IQSEC1: variants seen among roughly 807,000 people sequenced by gnomAD.
IQSEC1 encodes IQ motif and Sec7 domain ArfGEF 1.
A neutral mutation model predicts 91.0 loss-of-function variants in IQSEC1; 31 were observed. The observed-to-expected ratio is 0.34, with a 90% CI of 0.26 to 0.46. IQSEC1 has a LOEUF of 0.46. Among genes scored for constraint, IQSEC1 ranks in the 20% least tolerant of loss-of-function variants. IQSEC1 has a pLI of 1.00. For missense variants in IQSEC1, 1,388 were observed against 1,575.6 expected (o/e 0.88, Z 2.02); for synonymous variants, 699 against 662.6 (o/e 1.05, Z -0.84).
intron 2 of IQSEC1, among the ~76,000 whole-genome samples, chr3:13,104,778 T>G (rs373390821): frequency 3.3e-5 from 5 of 152,306 alleles, no homozygotes. Flanking sequence ...AGGTCCTGCC[T>G]GGCCCCTGAC....
chr3:13,071,693 GCGAACCAGAGGCCACCGTCATCCCT>G (rs1448919374), intron 1 of IQSEC1, among the ~76,000 whole-genome samples: 13 of 152,198 alleles, frequency 8.5e-5, no homozygotes, highest in East Asian at 1.9e-4. Context: ...GAGCATCACA[GCGAACCAGAGGCCACCGTCATCCCT>G]CGAACCAGAG....
chr3:12,939,164 C>A (rs536021993), intron 2 of IQSEC1, among the ~76,000 whole-genome samples: 1 of 152,122 alleles, frequency 6.6e-6, no homozygotes, highest in African/African-American at 2.4e-5. Flanking sequence ...AGACACTCAG[C>A]GGAGGGAAGA....
At chr3:12,952,274 C>A (rs952848715) in intron 1 of IQSEC1, among the ~76,000 whole-genome samples, 4 of 152,174 alleles carry the variant, frequency 2.6e-5, no homozygotes, top group Non-Finnish European at 5.9e-5. Flanking sequence ...CCAAACTGAG[C>A]TTCCTACACC....
At chr3:13,038,837 T>C (rs1200546292) in intron 1 of IQSEC1, among the ~76,000 whole-genome samples, 2 of 152,184 alleles carry the variant, frequency 1.3e-5, no homozygotes, top group African/African-American at 2.4e-5. Context: ...GTATTTCACA[T>C]TGCGTGCCTG....
chr3:13,153,789 A>G (rs1221508721), intron 2 of IQSEC1, among the ~76,000 whole-genome samples: 1 of 152,170 alleles, frequency 6.6e-6, no homozygotes, highest in Non-Finnish European at 1.5e-5. Flanking sequence ...CCAGCTGGGC[A>G]GTGAGGTCTT....
chr3:13,165,536 GC>G (rs1559267978), intron 1 of IQSEC1, among the ~76,000 whole-genome samples: 16 of 27,538 alleles, frequency 5.8e-4, no homozygotes, highest in Admixed American at 1.6e-3. Context: ...TGGGGGGGTG[GC>G]GTGTGTGTGT....
intron 1 of IQSEC1, among the ~76,000 whole-genome samples, chr3:13,048,394 C>T (rs1331176114): frequency 6.6e-6 from 1 of 152,222 alleles, no homozygotes; most frequent in East Asian, 1.9e-4. Context: ...CAGAACTCAT[C>T]CCTAGAGACC....
At chr3:13,030,272 T>C (rs573573961) in intron 1 of IQSEC1, among the ~76,000 whole-genome samples, 1 of 152,282 alleles carries the variant, frequency 6.6e-6, no homozygotes, top group East Asian at 1.9e-4. Context: ...TATTTTTGTA[T>C]TTTTAATAGA....
intron 1 of IQSEC1, among the ~76,000 whole-genome samples, chr3:13,205,879 T>TC (rs1196918803): frequency 7.7e-6 from 1 of 130,470 alleles, no homozygotes; most frequent in Non-Finnish European, 1.6e-5. Flanking sequence ...CACTCATCGA[T>TC]CCCCCCATTC....
At chr3:13,213,160 T>C (rs1694477557) in intron 1 of IQSEC1, among the ~76,000 whole-genome samples, 2 of 152,256 alleles carry the variant, frequency 1.3e-5, no homozygotes, top group South Asian at 4.1e-4. Flanking sequence ...TAAGTTTTCT[T>C]GTATTTTATC....
chr3:12,957,685 C>A (rs1004423943), intron 1 of IQSEC1, among the ~76,000 whole-genome samples: 1 of 152,204 alleles, frequency 6.6e-6, no homozygotes, highest in East Asian at 1.9e-4. Context: ...TCATGGCCCG[C>A]CCTGCCAGCC....
chr3:13,247,523 C>T (rs564872816), intron 1 of IQSEC1, among the ~76,000 whole-genome samples: 2 of 152,320 alleles, frequency 1.3e-5, no homozygotes, highest in South Asian at 4.1e-4. Flanking sequence ...AGGCTCCACG[C>T]CAGAAGCTGG....
chr3:12,902,500 A>AC (rs1174593769), intron 13 of IQSEC1, among the ~76,000 whole-genome samples: 1 of 151,748 alleles, frequency 6.6e-6, no homozygotes, highest in Non-Finnish European at 1.5e-5. Flanking sequence ...ATCCAGAACC[A>AC]CCCCCACTGT....
intron 1 of IQSEC1, among the ~76,000 whole-genome samples, chr3:12,962,271 A>T (rs1046887735): frequency 1.3e-5 from 2 of 152,222 alleles, no homozygotes; most frequent in African/African-American, 2.4e-5. Context: ...ACTATGAGAC[A>T]CCGTTTAATT....
intron 1 of IQSEC1, among the ~76,000 whole-genome samples, chr3:12,997,880 G>A (rs1702281071): frequency 6.6e-6 from 1 of 152,236 alleles, no homozygotes; most frequent in Admixed American, 6.5e-5. Flanking sequence ...CATCATATAT[G>A]TGGTGTGTCA....
intron 1 of IQSEC1, among the ~76,000 whole-genome samples, chr3:12,962,761 A>T (rs1188260354): frequency 1.3e-5 from 2 of 152,218 alleles, no homozygotes; most frequent in Non-Finnish European, 2.9e-5. Context: ...AGTGCAAAGG[A>T]CACTGTCCCA....
In IQSEC1 at chr3:12,967,677, C is replaced by T. The variant is rs1244559063; in HGVS notation, c.24-25812G>A. ...AGGCCAGCCAAGCCCGCCCCTCCGC[C>T]GCCGCCCGCTTGGCGCAGCGCGAGG... is the stretch of plus-strand genomic sequence containing the variant. On this transcript the variant is annotated intron_variant, in intron 1 of 13. Coordinates refer to ENST00000613206, the MANE Select transcript of IQSEC1 (RefSeq NM_001134382.3). The surrounding 1 kb of genome is among the most constrained non-coding windows in gnomAD (Gnocchi z 5.9). 3 of 1,168,866 alleles carry T rather than the reference C, an allele frequency of 2.6e-6. No individual in the cohort carries two copies. The highest frequency in any genetic ancestry group is 7.9e-5 in the East Asian group (2 of 25,184). The allele number at this position is 1,168,866 out of a possible 1,614,324, so 72.4% of individuals were successfully genotyped here.
chr3:12,944,601 C>T (rs1023844533), intron 1 of IQSEC1, among the ~76,000 whole-genome samples: 7 of 152,204 alleles, frequency 4.6e-5, no homozygotes, highest in Non-Finnish European at 8.8e-5. Flanking sequence ...CACACACGCC[C>T]GGGACTGGAA....
intron 2 of IQSEC1, among the ~76,000 whole-genome samples, chr3:13,085,835 C>T (rs959491579): frequency 1.3e-5 from 2 of 152,242 alleles, no homozygotes; most frequent in Non-Finnish European, 2.9e-5. Flanking sequence ...CTCGAGGCTG[C>T]CCAGGCCCTT....
Sources: gnomAD v4.1 joint callset for allele counts (sites outside exome capture counted in the v4.1 genomes callset) on GRCh38, gnomAD v4.1.1 for gene constraint, Gnocchi (gnomAD v3.1) non-coding constraint, MANE v1.5 for transcripts, NCBI Gene and HGNC (gene_info 2026-07-23, HGNC 2026-07-21) for gene names.